The following PLBD1 variants were observed in gnomAD, a reference collection of about 807,000 sequenced individuals.
PLBD1 encodes phospholipase B domain containing 1, also known as lysosomal leucine aminopeptidase.
PLBD1 carries 60 observed loss-of-function variants against 63.0 expected under a neutral mutation model. The observed-to-expected ratio is 0.95, with a 90% confidence interval of 0.77 to 1.18. PLBD1 has a LOEUF of 1.18. PLBD1 is among the 50% of genes most tolerant of loss of function. PLBD1 has a pLI of 0.00. For synonymous variants in PLBD1, 262 were observed against 248.0 expected (o/e 1.06, Z -0.53); for missense variants, 598 against 677.9 (o/e 0.88, Z 1.31).
chr12:14,536,605 T>A lies in PLBD1; in HGVS notation c.664A>T (p.Arg222Ter). 6.2e-7 allele frequency: 1 copy of A among 1,614,176 alleles called. No homozygotes were observed. Among genetic ancestry groups the A allele is most frequent in the Non-Finnish European group, 8.5e-7 (1 of 1,180,022 alleles). ...GCGGAGCAATGTCCCATGTCCCATC[T>A]CTTAAAAACCTTTAGGCTGCCGTTT... ...TKNGSLKVFKRWDMGHCSALI... is the reference protein window; with the variant it reads ...TKNGSLKVFK Residue 222 changes from arginine (R) to a stop codon, truncating the protein, a stop_gained, in exon 5 of 11, where the codon AGA becomes TGA. Coordinates refer to ENST00000240617, the MANE Select transcript of PLBD1 (RefSeq NM_024829.6). LOFTEE classifies it high-confidence loss of function.
chr12:14,551,809 A>C (rs1406647088), intron 2 of PLBD1, among the ~76,000 whole-genome samples: 1 of 152,218 alleles, frequency 6.6e-6, no homozygotes, highest in Non-Finnish European at 1.5e-5. Flanking sequence ...CTCACGACTC[A>C]ATTTAAATAA....
At chr12:14,566,371 T>G (rs917611090) in intron 1 of PLBD1, among the ~76,000 whole-genome samples, 5 of 152,126 alleles carry the variant, frequency 3.3e-5, no homozygotes, top group Non-Finnish European at 1.5e-5. Context: ...GGTAGTGTAA[T>G]AAGAATCAGT....
At chr12:14,529,121 G>C (rs913544560) in intron 6 of PLBD1, among the ~76,000 whole-genome samples, 48 of 152,116 alleles carry the variant, frequency 3.2e-4, no homozygotes, top group African/African-American at 1.1e-3. Context: ...CTTGAGCCTA[G>C]GTGTTTGAGG....
intron 6 of PLBD1, among the ~76,000 whole-genome samples, chr12:14,534,966 A>T (rs1405665974): frequency 6.6e-6 from 1 of 152,148 alleles, no homozygotes; most frequent in Non-Finnish European, 1.5e-5. Flanking sequence ...TTCAAATTCT[A>T]GCCATCCTTT....
At chr12:14,549,665 CCTT>C (rs1945641457) in intron 2 of PLBD1, among the ~76,000 whole-genome samples, 1 of 151,960 alleles carries the variant, frequency 6.6e-6, no homozygotes, top group Non-Finnish European at 1.5e-5. Flanking sequence ...ACTCCTCGGT[CCTT>C]GTTTTTGGTT....
intron 2 of PLBD1, among the ~76,000 whole-genome samples, 195 bp downstream of exon 2, chr12:14,552,998 C>A (rs1245729063): frequency 1.3e-5 from 2 of 152,152 alleles, no homozygotes; most frequent in Non-Finnish European, 2.9e-5. Context: ...TGCACTCCAG[C>A]CTGGCAACAA....
chr12:14,566,239 A>G (rs959704743), intron 1 of PLBD1, among the ~76,000 whole-genome samples: 1 of 152,166 alleles, frequency 6.6e-6, no homozygotes, highest in African/African-American at 2.4e-5. Flanking sequence ...GTTTAGGCAA[A>G]GAACACAGAA....
At chr12:14,537,478 C>T (rs1051612217) in intron 4 of PLBD1, among the ~76,000 whole-genome samples, 2 of 152,222 alleles carry the variant, frequency 1.3e-5, no homozygotes, top group African/African-American at 4.8e-5. Flanking sequence ...GAGAAAACCA[C>T]TCTTAGACAA....
chr12:14,521,096 A>C (rs1945372076), intron 6 of PLBD1, among the ~76,000 whole-genome samples: 1 of 151,958 alleles, frequency 6.6e-6, no homozygotes, highest in South Asian at 2.1e-4. Context: ...GTAGCACACC[A>C]CTCACCAGTT....
At chr12:14,521,530 G>T (rs528129214) in intron 6 of PLBD1, among the ~76,000 whole-genome samples, 15 of 152,242 alleles carry the variant, frequency 9.9e-5, no homozygotes, top group African/African-American at 3.4e-4. Context: ...GGCATCCATA[G>T]AAATTGCTAA....
At chr12:14,536,393 G>A (rs12307062) in intron 5 of PLBD1, among the ~76,000 whole-genome samples, 177 bp downstream of exon 5, 380 of 152,270 alleles carry the variant, frequency 2.5e-3, no homozygotes, top group African/African-American at 8.2e-3. Flanking sequence ...ATGTAACATC[G>A]TGTACTTACA....
intron 6 of PLBD1, among the ~76,000 whole-genome samples, chr12:14,519,735 C>CT (rs1324917713): frequency 1.3e-5 from 2 of 152,036 alleles, no homozygotes; most frequent in Non-Finnish European, 2.9e-5. Flanking sequence ...TAAACCAAAC[C>CT]TGTCAATATC....
intron 1 of PLBD1, among the ~76,000 whole-genome samples, chr12:14,557,930 C>T (rs182882898): frequency 5.9e-5 from 9 of 151,896 alleles, no homozygotes; most frequent in Admixed American, 3.9e-4. Context: ...CACTTGCATA[C>T]GTATGTTCAT....
chr12:14,535,539 T>C, intron 6 of PLBD1, 120 bp downstream of exon 6: 5 of 1,078,248 alleles, frequency 4.6e-6, no homozygotes, highest in Non-Finnish European at 6.7e-6. Context: ...AATCAGATTG[T>C]TTGTTAATAT....
intron 9 of PLBD1, 72 bp downstream of exon 9, chr12:14,506,855 ATAAACT>A (rs1219976268): frequency 2.3e-6 from 3 of 1,329,646 alleles, no homozygotes; most frequent in East Asian, 4.7e-5. Flanking sequence ...TACAGAGATG[ATAAACT>A]TACATGGATT....
In PLBD1 at chr12:14,553,419, G is replaced by C. The variant is rs1945676143; in HGVS notation, c.116-7C>G. On this transcript the variant is annotated splice_region_variant and splice_polypyrimidine_tract_variant and intron_variant, in intron 1 of 10. Transcript: ENST00000240617. ...GCAGTTGCATAGTAGACTCCTAGAA[G>C]AAAAGGGAATAATGACAAAAACGCC... 6.2e-7 allele frequency: 1 copy of C among 1,607,890 alleles called. No homozygotes were observed. The highest frequency in any genetic ancestry group is 2.2e-5 in the East Asian group (1 of 44,850).
chr12:14,535,903 A>G (rs1945510120), intron 5 of PLBD1, 100 bp from the exon 6 acceptor site: 1 of 1,273,750 alleles, frequency 7.9e-7, no homozygotes, highest in Non-Finnish European at 1.1e-6. Context: ...CATTTCAGGT[A>G]AGTGTTTATT....
At chr12:14,555,444 G>A (rs1421309461) in intron 1 of PLBD1, among the ~76,000 whole-genome samples, 1 of 152,200 alleles carries the variant, frequency 6.6e-6, no homozygotes, top group African/African-American at 2.4e-5. Flanking sequence ...GGCTGAGGCA[G>A]GAGAATTGCT....
chr12:14,525,569 A>G (rs1945410043), intron 6 of PLBD1, among the ~76,000 whole-genome samples: 1 of 152,086 alleles, frequency 6.6e-6, no homozygotes, highest in Non-Finnish European at 1.5e-5. Flanking sequence ...AACTTAAAAT[A>G]CAATAATCAC....
Sources: allele counts gnomAD v4.1 joint callset (sites outside exome capture counted in the v4.1 genomes callset), GRCh38; gene constraint gnomAD v4.1.1; transcripts MANE v1.5; gene names NCBI Gene and HGNC (gene_info 2026-07-23, HGNC 2026-07-21).